The following MEIOB variants were observed in gnomAD, a reference collection of about 807,000 sequenced individuals.
The protein encoded by MEIOB is meiosis specific with OB-fold.
MEIOB carries 50 observed loss-of-function variants against 53.1 expected under a neutral mutation model. The observed-to-expected ratio is 0.94, with a 90% CI of 0.75 to 1.19. MEIOB has a LOEUF of 1.19. MEIOB is among the 50% of genes most tolerant of loss of function. The pLI is 0.00. For missense variants in MEIOB, 551 were observed against 550.8 expected (o/e 1.00, Z 0.00); for synonymous variants, 192 against 182.5 (o/e 1.05, Z -0.42).
Position 1,841,830 on chromosome 16 carries a change from G to T in MEIOB, c.1024C>A (p.Arg342=). 2 of 1,570,512 alleles carry T rather than the reference G, an allele frequency of 1.3e-6. No homozygotes were observed. The highest frequency in any genetic ancestry group is 1.7e-6 in the Non-Finnish European group (2 of 1,159,990). ...GACACGGATCCTTACCATCTATTTC[G>T]AACTACTTTTGTAGTTTCATCATCA... ...NIDDETTKVV[R]NRCSSCGYIV... Residue 342 remains arginine (R), a synonymous_variant, in exon 11 of 14, where the codon CGA becomes AGA. Coordinates refer to ENST00000325962, the MANE Select transcript of MEIOB (RefSeq NM_001163560.3).
chr16:1,865,297 T>C (rs1472760224), intron 3 of MEIOB, among the ~76,000 whole-genome samples: 1 of 152,042 alleles, frequency 6.6e-6, no homozygotes, highest in Non-Finnish European at 1.5e-5. Flanking sequence ...CTGGGCATGA[T>C]GGCATGTGCC....
At chr16:1,851,981 C>A (rs1430205606) in intron 9 of MEIOB, among the ~76,000 whole-genome samples, 1 of 152,188 alleles carries the variant, frequency 6.6e-6, no homozygotes, top group Non-Finnish European at 1.5e-5. Context: ...AATCTGGCTT[C>A]CTTGATTTCA....
At position 1,863,737 on chromosome 16, in the gene MEIOB, A is replaced by AT. The variant is rs1461956287; in HGVS notation, c.128-1622_128-1621insA. Among the ~76,000 whole-genome samples the AT allele has an allele frequency of 1.1e-4, 17 of 151,476 alleles. 1 individual carries two copies. The highest frequency in any genetic ancestry group is 1.8e-4 in the Non-Finnish European group (12 of 67,890). ...TGAGACCCTGTCTCAAAAAAAAAAA[A>AT]AATAAATTTTAAAAATAATTAAAAT... On this transcript the variant is annotated intron_variant, in intron 3 of 13. Transcript: ENST00000325962.
At chr16:1,862,794 T>C (rs1314636915) in intron 3 of MEIOB, among the ~76,000 whole-genome samples, 2 of 151,974 alleles carry the variant, frequency 1.3e-5, no homozygotes, top group East Asian at 1.9e-4. Flanking sequence ...GGTGGGCGCC[T>C]GTAATCCCAG....
chr16:1,849,545 C>CAAAAAAA (rs373210979), intron 9 of MEIOB, among the ~76,000 whole-genome samples: 3 of 79,222 alleles, frequency 3.8e-5, no homozygotes, highest in Non-Finnish European at 7.0e-5. Context: ...GACTCCGTCT[C>CAAAAAAA]AAAAAAAAAA....
At position 1,837,813 on chromosome 16, in the gene MEIOB, G is replaced by C; in HGVS notation, c.1276C>G (p.Leu426Val). The change falls in exon 13 of 14, where the codon CTC (leucine) becomes GTC (valine). Residue 426 changes from leucine (L) to valine (V), a missense_variant. Leu to Val is a conservative substitution (Grantham distance 32). Coordinates refer to ENST00000325962, the MANE Select transcript of MEIOB (RefSeq NM_001163560.3). ...EQKTALKWQF[L>V]LERSKIYLKF... ...AAATAAATTTTGCTTCTTTCCAAGA[G>C]AAATTGCCACTTTAATGCTGTTTTC... 6.5e-7 allele frequency: 1 copy of C among 1,540,340 alleles called. No individual in the cohort carries two copies. Among genetic ancestry groups the C allele is most frequent in the Non-Finnish European group, 8.8e-7 (1 of 1,141,602 alleles).
At chr16:1,842,649 T>A (rs554318867) in intron 10 of MEIOB, among the ~76,000 whole-genome samples, 19 of 131,250 alleles carry the variant, frequency 1.4e-4, no homozygotes, top group African/African-American at 3.2e-4. Context: ...CGATTTTTTT[T>A]ATTATTATTT....
chr16:1,868,939 G>A (rs1321155636), intron 1 of MEIOB, among the ~76,000 whole-genome samples: 2 of 151,952 alleles, frequency 1.3e-5, no homozygotes, highest in African/African-American at 4.8e-5. Flanking sequence ...TTATTATAAT[G>A]GTAAAATGTA....
At chr16:1,850,902 CAG>C (rs1175285230) in intron 9 of MEIOB, among the ~76,000 whole-genome samples, 2 of 151,956 alleles carry the variant, frequency 1.3e-5, no homozygotes, top group Admixed American at 1.3e-4. Context: ...GCCTGGGCAA[CAG>C]AGTGAGACTG....
chr16:1,848,177 A>T (rs188187316), intron 9 of MEIOB, among the ~76,000 whole-genome samples: 65 of 152,146 alleles, frequency 4.3e-4, no homozygotes, highest in Non-Finnish European at 7.6e-4. Flanking sequence ...TGTAGGCAAA[A>T]AGATGATAAA....
At chr16:1,844,484 C>T (rs1033427699) in intron 10 of MEIOB, among the ~76,000 whole-genome samples, 4 of 151,890 alleles carry the variant, frequency 2.6e-5, no homozygotes, top group Non-Finnish European at 4.4e-5. Context: ...CTTGTTCTGA[C>T]ACCCAGGCTG....
chr16:1,849,109 A>C (rs796404460), intron 9 of MEIOB, among the ~76,000 whole-genome samples: 1 of 145,642 alleles, frequency 6.9e-6, no homozygotes, highest in Non-Finnish European at 1.5e-5. Context: ...ACACTGCAAA[A>C]CCCCGTCTCT....
Position 1,848,544 on chromosome 16 carries a change from C to CTTTTT in MEIOB, c.779-3586_779-3582dup, listed in dbSNP as rs749481002. The stretch of plus-strand genomic sequence containing the variant: ...ATCCCTTCTCCTTTTTTTTTTTTTC[C>CTTTTT]TTTTTTTTTTTTTTTGGAGACAGAG... On this transcript the variant is annotated intron_variant, in intron 9 of 13. Coordinates refer to ENST00000325962, the MANE Select transcript of MEIOB (RefSeq NM_001163560.3). Among the ~76,000 whole-genome samples the CTTTTT allele has an allele frequency of 1.2e-3, 153 of 129,708 alleles. 2 individuals carry two copies. The highest frequency in any genetic ancestry group is 3.5e-3 in the African/African-American group (120 of 34,632). 85.1% of individuals were successfully genotyped at this position (129,708 alleles called of 152,430 possible).
At chr16:1,853,890 C>CT (rs1171354998) in intron 7 of MEIOB, among the ~76,000 whole-genome samples, 3 of 152,202 alleles carry the variant, frequency 2.0e-5, no homozygotes, top group Non-Finnish European at 4.4e-5. Context: ...TGGAGTCCCC[C>CT]TAAGCAATTC....
intron 5 of MEIOB, among the ~76,000 whole-genome samples, chr16:1,859,974 CG>C (rs1899403613): frequency 6.6e-6 from 1 of 152,326 alleles, no homozygotes; most frequent in Admixed American, 6.5e-5. Context: ...GGTCTATCCT[CG>C]CAGGGTTCCC....
At chr16:1,862,721 C>A (rs1052045815) in intron 3 of MEIOB, among the ~76,000 whole-genome samples, 1 of 151,966 alleles carries the variant, frequency 6.6e-6, no homozygotes, top group Non-Finnish European at 1.5e-5. Flanking sequence ...AGTTCAAGAC[C>A]AGTCTGGCCA....
chr16:1,861,754 C>T (rs775636454), intron 4 of MEIOB, among the ~76,000 whole-genome samples: 4 of 151,860 alleles, frequency 2.6e-5, no homozygotes, highest in Non-Finnish European at 4.4e-5. Context: ...AGGCTGGTCT[C>T]GAACTCCTGA....
intron 9 of MEIOB, among the ~76,000 whole-genome samples, chr16:1,850,233 T>G (rs954055923): frequency 3.1e-4 from 47 of 152,158 alleles, no homozygotes; most frequent in Non-Finnish European, 6.2e-4. Flanking sequence ...CTTTTCCAGC[T>G]CAAATTTGCC....
intron 11 of MEIOB, among the ~76,000 whole-genome samples, chr16:1,840,538 C>CTTA (rs1170511881): frequency 2.8e-5 from 2 of 72,416 alleles, no homozygotes; most frequent in Non-Finnish European, 4.9e-5. Flanking sequence ...AGGGATCTCT[C>CTTA]TTATTATTAT....
Sources: allele counts gnomAD v4.1 joint callset (sites outside exome capture counted in the v4.1 genomes callset), GRCh38; gene constraint gnomAD v4.1.1; transcripts MANE v1.5; gene names NCBI Gene and HGNC (gene_info 2026-07-23, HGNC 2026-07-21).